ZNF483: variants seen among roughly 807,000 people sequenced by gnomAD.
The protein encoded by ZNF483 is zinc finger protein HIT-10.
In ZNF483, 9 loss-of-function variants were observed where a neutral mutation model predicts 28.6. The ratio of observed to expected loss-of-function variants is 0.32; its 90% confidence interval spans 0.19 to 0.55. The LOEUF (loss-of-function observed/expected upper bound fraction) is 0.55, where lower values mean the gene tolerates loss of function less well. Among genes scored for constraint, ZNF483 ranks in the 20% least tolerant of loss-of-function variants. The pLI is 0.93. For missense variants in ZNF483, 675 were observed against 871.7 expected (o/e 0.77, Z 2.84); for synonymous variants, 322 against 306.2 (o/e 1.05, Z -0.54).
intron 5 of ZNF483, among the ~76,000 whole-genome samples, chr9:111,536,579 AAAAG>A (rs1430172160): frequency 1.3e-5 from 2 of 152,138 alleles, no homozygotes; most frequent in Non-Finnish European, 2.9e-5. Context: ...GGTTTATCTT[AAAAG>A]AAAGAAGCAA....
At chr9:111,572,504 C>T (rs189286038) in intron 5 of ZNF483, among the ~76,000 whole-genome samples, 237 of 152,170 alleles carry the variant, frequency 1.6e-3, no homozygotes, top group Middle Eastern at 3.4e-3. Flanking sequence ...GCAGGAGAAT[C>T]GCTTGAACCG....
Position 111,551,788 on chromosome 9 carries a change from T to C in ZNF483, c.*8618T>C, listed in dbSNP as rs1027499759. 6.6e-6 allele frequency among the ~76,000 whole-genome samples: 1 copy of C among 152,218 alleles called. No homozygotes were observed. Among genetic ancestry groups the C allele is most frequent in the Non-Finnish European group, 1.5e-5 (1 of 68,034 alleles). ...ATATCTAGGCAAAATTATATCACTT[T>C]CAAAACTTTTTAAGTAAATTCAGTA... On this transcript the variant is annotated 3_prime_UTR_variant, in exon 6 of 6. Coordinates refer to ENST00000309235, the MANE Select transcript of ZNF483 (RefSeq NM_133464.5).
chr9:111,547,838 G>A lies in ZNF483; in HGVS notation c.*4668G>A, dbSNP rs1827840427. On this transcript the variant is annotated 3_prime_UTR_variant, in exon 6 of 6. Coordinates refer to ENST00000309235, the MANE Select transcript of ZNF483 (RefSeq NM_133464.5). ...GTAAAGGGTCCATCTTCATTCTTTT[G>A]CATGCGAATATCCAGTTTTCCCAGC... 6.6e-6 allele frequency among the ~76,000 whole-genome samples: 1 copy of A among 151,874 alleles called. No individual in the cohort carries two copies. Among genetic ancestry groups the A allele is most frequent in the Non-Finnish European group, 1.5e-5 (1 of 67,922 alleles).
At chr9:111,530,796 T>C (rs576981871) in intron 2 of ZNF483, 79 bp from the exon 3 acceptor site, 6 of 48,800 alleles carry the variant, frequency 1.2e-4, no homozygotes, top group African/African-American at 3.6e-4. Context: ...TATATATATA[T>C]ATATACATAT....
chr9:111,533,589 G>C, intron 3 of ZNF483, 150 bp from the exon 4 acceptor site: 1 of 634,798 alleles, frequency 1.6e-6, no homozygotes, highest in Non-Finnish European at 2.4e-6. Context: ...AGGATCACTT[G>C]AGCCCAGGAG....
chr9:111,542,163 A>T lies in ZNF483; in HGVS notation c.1228A>T (p.Thr410Ser), dbSNP rs776763459. Residue 410 changes from threonine to serine, a missense_variant, in exon 6 of 6, where the codon ACC becomes TCC. Around this residue, in one of 6 missense-constraint regions of ZNF483, gnomAD observed 525 missense variants for 581.8 expected, o/e 0.90. Coordinates refer to ENST00000309235, the MANE Select transcript of ZNF483 (RefSeq NM_133464.5). The surrounding 1 kb of genome is among the most constrained non-coding windows in gnomAD (Gnocchi z 6.2). Reference protein sequence around the residue: ...IRRSTLSRRKTPMCEKCRKDS... With the variant: ...IRRSTLSRRKSPMCEKCRKDS... Reference sequence around the variant, plus strand: ...AAGATCAACTCTTTCTAGGAGAAAAACCCCTATGTGTGAGAAATGTCGGAA... The same window carrying T: ...AAGATCAACTCTTTCTAGGAGAAAATCCCCTATGTGTGAGAAATGTCGGAA... The T allele has an allele frequency of 1.2e-6, 2 of 1,614,054 alleles. No individual in the cohort carries two copies. Among genetic ancestry groups the T allele is most frequent in the East Asian group, 2.2e-5 (1 of 44,884 alleles).
At position 111,544,672 on chromosome 9, in the gene ZNF483, G is replaced by C. The variant is rs1228725970; in HGVS notation, c.*1502G>C. On this transcript the variant is annotated 3_prime_UTR_variant, in exon 6 of 6. Transcript: ENST00000309235. ...TGATAGCAAGTAAAGTTCAGGGAAT[G>C]AATGTAGAATTGATACAGAAAAAAT... Among the ~76,000 whole-genome samples the C allele has an allele frequency of 6.6e-6, 1 of 152,156 alleles. No homozygotes were observed. The highest frequency in any genetic ancestry group is 1.9e-4 in the East Asian group (1 of 5,192).
intron 3 of ZNF483, 29 bp from the exon 4 acceptor site, chr9:111,533,710 C>A: frequency 2.0e-6 from 3 of 1,532,942 alleles, no homozygotes; most frequent in Admixed American, 2.5e-5. Flanking sequence ...GGGAATAATC[C>A]AATACAAAAG....
chr9:111,572,790 T>G lies in ZNF483; in HGVS notation c.722-3575T>G, dbSNP rs1384312339. Among the ~76,000 whole-genome samples, 7 of 141,260 alleles carry G rather than the reference T, an allele frequency of 5.0e-5. 1 individual carries two copies. The highest frequency in any genetic ancestry group is 2.1e-4 in the East Asian group (1 of 4,736). The allele number at this position is 141,260 out of a possible 152,430, so 92.7% of individuals were successfully genotyped here. On this transcript the variant is annotated intron_variant, in intron 5 of 5. Transcript: ENST00000358151. Reference sequence around the variant, plus strand: ...AAAAAAAAAAAAAAAATTAAAAAATTAAAAAAAAAATCTCCAGTCTGGGAA... The same window carrying G: ...AAAAAAAAAAAAAAAATTAAAAAATGAAAAAAAAAATCTCCAGTCTGGGAA...
intron 2 of ZNF483, among the ~76,000 whole-genome samples, chr9:111,529,913 T>C (rs181890892): frequency 1.8e-4 from 27 of 152,336 alleles, no homozygotes; most frequent in African/African-American, 6.3e-4. Context: ...ATTTGGCCTT[T>C]TGTCCGTGGT....
chr9:111,557,989 A>T (rs113093619), downstream of ZNF483, among the ~76,000 whole-genome samples: 6,615 of 152,260 alleles, frequency 0.043, 194 homozygotes, highest in Non-Finnish European at 0.066. Context: ...TCTACTAAAA[A>T]TACAAAAATT....
In ZNF483 at chr9:111,542,011, G is replaced by A. The variant is rs373027589; in HGVS notation, c.1076G>A (p.Arg359Gln). 89 of 1,613,878 alleles carry A rather than the reference G, an allele frequency of 5.5e-5. No homozygotes were observed. Among genetic ancestry groups the A allele is most frequent in the Non-Finnish European group, 7.2e-5 (85 of 1,179,930 alleles). ...GAGAAAACCGCCGGAGAAAAGTCAC[G>A]GAAATCTAATGATGGTGGGAAAGTC... ...RKEKTAGEKSRKSNDGGKVLS... is the reference protein window; with the variant it reads ...RKEKTAGEKSQKSNDGGKVLS... Residue 359 changes from arginine to glutamine, a missense_variant, in exon 6 of 6, where the codon CGG becomes CAG. This residue lies in a region of ZNF483 where 525 missense variants were observed against 581.8 expected (regional missense o/e 0.90). Transcript: ENST00000309235. This position sits in a 1 kb window ranked among gnomAD's most constrained non-coding sequence, Gnocchi z 6.2.
In ZNF483 at chr9:111,545,281, A is replaced by C. The variant is rs1827780878; in HGVS notation, c.*2111A>C. 6.6e-6 allele frequency among the ~76,000 whole-genome samples: 1 copy of C among 152,202 alleles called. No individual in the cohort carries two copies. The highest frequency in any genetic ancestry group is 6.5e-5 in the Admixed American group (1 of 15,276). On this transcript the variant is annotated 3_prime_UTR_variant, in exon 6 of 6. Transcript: ENST00000309235. ...GTTTTCTGAAAAATATAATTTATAG[A>C]AAGTTGAAGAAATAACGTAAAAGTC...
chr9:111,547,290 C>T lies in ZNF483; in HGVS notation c.*4120C>T, dbSNP rs569830987. Among the ~76,000 whole-genome samples, 8 of 152,240 alleles carry T rather than the reference C, an allele frequency of 5.3e-5. No homozygotes were observed. In the South Asian group the frequency reaches 6.2e-4, roughly 12 times the overall value. On this transcript the variant is annotated 3_prime_UTR_variant, in exon 6 of 6. Transcript: ENST00000309235. The stretch of plus-strand genomic sequence containing the variant: ...CTATGTACAAGGGTTTCAGTATCCC[C>T]GCCCTTGCTAACACTTATTTTCTAT...
At chr9:111,564,158 T>G in intron 5 of ZNF483, 1 of 820,868 alleles carries the variant, frequency 1.2e-6, no homozygotes, top group Non-Finnish European at 1.5e-6. Flanking sequence ...CTGAGTTACC[T>G]GATACAAGTT....
chr9:111,541,183 G>A (rs987972814), intron 5 of ZNF483, among the ~76,000 whole-genome samples: 1 of 149,162 alleles, frequency 6.7e-6, no homozygotes, highest in African/African-American at 2.5e-5. Context: ...TCCGCCTCCT[G>A]GGTTCAAGTG....
intron 5 of ZNF483, chr9:111,576,333 G>T: frequency 6.2e-7 from 1 of 1,612,838 alleles, no homozygotes; most frequent in Non-Finnish European, 8.5e-7. Flanking sequence ...CCTCAAACCA[G>T]TACTCACTAA....
chr9:111,557,693 GT>G (rs1334560002), downstream of ZNF483, among the ~76,000 whole-genome samples: 1 of 152,090 alleles, frequency 6.6e-6, no homozygotes, highest in Non-Finnish European at 1.5e-5. Flanking sequence ...GCCTCCCTAA[GT>G]GCTGGAAATA....
At chr9:111,541,173 T>C (rs1029889472) in intron 5 of ZNF483, among the ~76,000 whole-genome samples, 5 of 143,988 alleles carry the variant, frequency 3.5e-5, no homozygotes, top group Non-Finnish European at 6.0e-5. Context: ...CCCTGTAACC[T>C]CCGCCTCCTG....
Sources: allele counts gnomAD v4.1 joint callset (sites outside exome capture counted in the v4.1 genomes callset), GRCh38; gene constraint gnomAD v4.1.1; regional missense constraint gnomAD v4.1.1; non-coding constraint Gnocchi (gnomAD v3.1); transcripts MANE v1.5; gene names NCBI Gene and HGNC (gene_info 2026-07-23, HGNC 2026-07-21).